Variants in SOBP observed in about 807,000 individuals in gnomAD.
SOBP encodes sine oculis-binding protein homolog.
In SOBP, 4 loss-of-function variants were observed where a neutral mutation model predicts 53.6. That is an observed-to-expected ratio of 0.07 (90% CI 0.04 to 0.17). The LOEUF (loss-of-function observed/expected upper bound fraction) is 0.17. SOBP is among the 10% of genes least tolerant of loss of function. The pLI is 1.00. For synonymous variants in SOBP, 584 were observed against 522.6 expected (o/e 1.12, Z -1.60); for missense variants, 1,088 against 1,204.7 (o/e 0.90, Z 1.43).
At chr6:107,607,842 A>C (rs953423178) in intron 5 of SOBP, among the ~76,000 whole-genome samples, 1 of 152,216 alleles carries the variant, frequency 6.6e-6, no homozygotes, top group Non-Finnish European at 1.5e-5. Context: ...GGTATGAGAC[A>C]CACTGTGTCA....
intron 1 of SOBP, among the ~76,000 whole-genome samples, chr6:107,501,576 T>C (rs1782844010): frequency 1.3e-5 from 2 of 152,248 alleles, no homozygotes; most frequent in Admixed American, 1.3e-4. Flanking sequence ...ATTTGGCTTT[T>C]AATGCTGTTG....
chr6:107,511,095 G>C (rs1783157230), intron 3 of SOBP, among the ~76,000 whole-genome samples: 1 of 152,104 alleles, frequency 6.6e-6, no homozygotes, highest in Non-Finnish European at 1.5e-5. Context: ...AATTTAAAGA[G>C]CTGAAGTTCA....
intron 5 of SOBP, among the ~76,000 whole-genome samples, chr6:107,620,795 C>T (rs190740194): frequency 9.2e-5 from 14 of 152,330 alleles, no homozygotes; most frequent in Non-Finnish European, 1.8e-4. Flanking sequence ...TTCTGTGTCT[C>T]ACCAGATCCA....
chr6:107,500,603 G>A (rs1782813614), intron 1 of SOBP, among the ~76,000 whole-genome samples: 1 of 151,524 alleles, frequency 6.6e-6, no homozygotes, highest in South Asian at 2.1e-4. Flanking sequence ...CTCACTGCAA[G>A]CTCCGCCTCC....
In SOBP at chr6:107,506,420, A is replaced by G. The variant is rs1167539083; in HGVS notation, c.414A>G (p.Pro138=). 6.2e-7 allele frequency: 1 copy of G among 1,614,076 alleles called. No individual in the cohort carries two copies. The highest frequency in any genetic ancestry group is 8.5e-7 in the Non-Finnish European group (1 of 1,179,942). The change falls in exon 3 of 7, where the codon CCA becomes CCG. Residue 138 remains proline, a synonymous_variant. Coordinates refer to ENST00000317357, the MANE Select transcript of SOBP (RefSeq NM_018013.4). ...VPLIPPPFIK[P]PAEDDVSNVQ... ...TAATTCCACCACCTTTCATAAAGCC[A>G]CCAGCAGGTAAGTCACTACTGGTGT...
intron 4 of SOBP, among the ~76,000 whole-genome samples, chr6:107,541,931 A>AT (rs141199006): frequency 0.018 from 2,802 of 152,074 alleles, 45 homozygotes; most frequent in East Asian, 0.053. Flanking sequence ...TAAAAAAAAA[A>AT]CTTGTTATTT....
intron 3 of SOBP, among the ~76,000 whole-genome samples, chr6:107,507,211 A>T (rs1221951871): frequency 6.6e-6 from 1 of 152,314 alleles, no homozygotes; most frequent in South Asian, 2.1e-4. Context: ...CTCTAAATCC[A>T]TTAGAGAAAC....
intron 4 of SOBP, among the ~76,000 whole-genome samples, chr6:107,579,166 C>T (rs889071774): frequency 4.0e-5 from 6 of 151,886 alleles, no homozygotes; most frequent in African/African-American, 9.7e-5. Flanking sequence ...AGGCAGTGGG[C>T]GGAGGAAGAA....
intron 4 of SOBP, among the ~76,000 whole-genome samples, chr6:107,568,687 T>C (rs889736841): frequency 6.6e-6 from 1 of 152,224 alleles, no homozygotes; most frequent in African/African-American, 2.4e-5. Context: ...TTGTGGTGGA[T>C]ACCTTCTGCC....
At chr6:107,530,501 A>T (rs1455173576) in intron 3 of SOBP, among the ~76,000 whole-genome samples, 2 of 152,040 alleles carry the variant, frequency 1.3e-5, no homozygotes, top group Admixed American at 1.3e-4. Flanking sequence ...ATTAATTTAG[A>T]TAATCACAGT....
chr6:107,582,108 C>T (rs1207446216), intron 4 of SOBP, among the ~76,000 whole-genome samples: 2 of 152,208 alleles, frequency 1.3e-5, no homozygotes, highest in Non-Finnish European at 2.9e-5. Flanking sequence ...TATCTTTTGA[C>T]TTAAATGGCA....
At chr6:107,549,017 C>T (rs780196142) in intron 4 of SOBP, among the ~76,000 whole-genome samples, 2 of 151,992 alleles carry the variant, frequency 1.3e-5, no homozygotes, top group Non-Finnish European at 2.9e-5. Flanking sequence ...CCTGTAATCC[C>T]AGCACTTTGG....
At chr6:107,588,785 G>T (rs184897301) in intron 5 of SOBP, among the ~76,000 whole-genome samples, 2 of 152,192 alleles carry the variant, frequency 1.3e-5, no homozygotes, top group African/African-American at 4.8e-5. Flanking sequence ...TAGATGTTTT[G>T]TCATTGCTGT....
intron 3 of SOBP, chr6:107,514,085 C>G (rs902395820): frequency 6.6e-6 from 1 of 152,544 alleles, no homozygotes; most frequent in Non-Finnish European, 1.5e-5. Flanking sequence ...ACTGGATTAT[C>G]CAAAACACTA....
intron 5 of SOBP, among the ~76,000 whole-genome samples, chr6:107,597,355 A>G (rs1046940775): frequency 3.3e-5 from 5 of 152,228 alleles, no homozygotes; most frequent in Non-Finnish European, 7.3e-5. Context: ...AAATATTTAT[A>G]TACTTACCAG....
At chr6:107,607,245 T>C (rs1200100595) in intron 5 of SOBP, among the ~76,000 whole-genome samples, 1 of 152,166 alleles carries the variant, frequency 6.6e-6, no homozygotes, top group Non-Finnish European at 1.5e-5. Context: ...CAAACATTGG[T>C]CAGATAATGT....
In SOBP at chr6:107,634,784, A is replaced by G; in HGVS notation, c.1940A>G (p.Gln647Arg). ...GGQLGFPGVL[Q>R]GPQDGVIDLT... is the part of the protein sequence containing the mutation. ...CAGCTCGGCTTCCCAGGCGTGCTGC[A>G]GGGCCCGCAGGACGGCGTCATCGAC... Residue 647 changes from glutamine to arginine, a missense_variant, in exon 6 of 7, where the codon CAG becomes CGG. Physicochemically the swap from Gln to Arg is conservative, Grantham distance 43. Around this residue, in one of 6 missense-constraint regions of SOBP, gnomAD observed 665 missense variants for 629.7 expected, o/e 1.06. Coordinates refer to ENST00000317357, the MANE Select transcript of SOBP (RefSeq NM_018013.4). This position sits in a 1 kb window ranked among gnomAD's most constrained non-coding sequence, Gnocchi z 4.5. 7.2e-7 allele frequency: 1 copy of G among 1,392,404 alleles called. No individual in the cohort carries two copies. The highest frequency in any genetic ancestry group is 9.3e-7 in the Non-Finnish European group (1 of 1,071,134). The allele number at this position is 1,392,404 out of a possible 1,614,324, so 86.3% of individuals were successfully genotyped here.
At chr6:107,553,737 T>C (rs913667047) in intron 4 of SOBP, among the ~76,000 whole-genome samples, 1 of 152,000 alleles carries the variant, frequency 6.6e-6, no homozygotes, top group Admixed American at 6.6e-5. Context: ...CCACCCGCCT[T>C]GGCCTCCCAA....
chr6:107,521,966 A>G (rs1783512074), intron 3 of SOBP, among the ~76,000 whole-genome samples: 1 of 144,980 alleles, frequency 6.9e-6, no homozygotes, highest in Admixed American at 6.8e-5. Flanking sequence ...ACACAAACTC[A>G]ATCAAGTCTG....
Sources: gnomAD v4.1 joint callset for allele counts (sites outside exome capture counted in the v4.1 genomes callset) on GRCh38, gnomAD v4.1.1 for gene constraint, gnomAD v4.1.1 regional missense constraint, Gnocchi (gnomAD v3.1) non-coding constraint, MANE v1.5 for transcripts, NCBI Gene and HGNC (gene_info 2026-07-23, HGNC 2026-07-21) for gene names.